Variants in JADE3 observed in about 807,000 individuals in gnomAD.
JADE3 encodes jade family PHD finger 3, also known as protein Jade-3.
In JADE3, 2 loss-of-function variants were observed where a neutral mutation model predicts 50.1. The observed-to-expected ratio is 0.04, with a 90% CI of 0.02 to 0.13. The LOEUF (loss-of-function observed/expected upper bound fraction) is 0.13, where lower values mean the gene tolerates loss of function less well. Ranked by LOEUF, JADE3 falls within the 10% of genes least tolerant of loss-of-function variation. JADE3 has a pLI of 1.00. For synonymous variants in JADE3, 218 were observed against 232.9 expected, an observed-to-expected ratio of 0.94 and a Z score of 0.58; for missense variants, 475 against 634.4, an observed-to-expected ratio of 0.75 and a Z score of 2.70.
intron 1 of JADE3, among the ~76,000 whole-genome samples, chrX:46,942,357 A>G (rs1325374360): frequency 1.8e-5 from 2 of 111,939 alleles, no homozygotes; most frequent in African/African-American, 6.5e-5. Flanking sequence ...TTACATTTAA[A>G]TCTTTAATCC....
chrX:46,950,084 T>G (rs2147115566), intron 1 of JADE3, among the ~76,000 whole-genome samples: 1 of 112,265 alleles, frequency 8.9e-6, no homozygotes, highest in South Asian at 3.7e-4. Flanking sequence ...ATAGCCTATC[T>G]CAAAAGTTTA....
At chrX:47,038,676 GA>G (rs59656292) in intron 7 of JADE3, among the ~76,000 whole-genome samples, 4,421 of 97,466 alleles carry the variant, frequency 0.045, 353 homozygotes, top group African/African-American at 0.16. Flanking sequence ...AAAAAAAGAA[GA>G]AAGAAAGAAA....
chrX:46,917,879 C>CA (rs1569533789), intron 1 of JADE3, among the ~76,000 whole-genome samples: 1 of 103,272 alleles, frequency 9.7e-6, no homozygotes, highest in Non-Finnish European at 2.0e-5. Flanking sequence ...CTCTCTCTCT[C>CA]TCTCTCATCC....
Position 47,054,403 on chromosome X carries a change from G to A in JADE3, c.1218G>A (p.Glu406=). The change falls in exon 9 of 11, where the codon GAG becomes GAA. Residue 406 remains glutamate (E), a synonymous_variant. Coordinates refer to ENST00000614628, the MANE Select transcript of JADE3 (RefSeq NM_014735.5). Reference sequence around the variant, plus strand: ...AGAAGCTTCGGGAGCTGGAGGAGGAGTTCTATTCCTTGGTACGAGTGGAAG... The same window carrying A: ...AGAAGCTTCGGGAGCTGGAGGAGGAATTCTATTCCTTGGTACGAGTGGAAG... ...RAQKLRELEE[E]FYSLVRVEDV... is the part of the protein sequence containing the mutation. 8.3e-7 allele frequency: 1 copy of A among 1,211,489 alleles called. No individual in the cohort carries two copies.
At chrX:46,959,370 G>T (rs1191681122) in intron 1 of JADE3, among the ~76,000 whole-genome samples, 1 of 112,407 alleles carries the variant, frequency 8.9e-6, no homozygotes, top group African/African-American at 3.2e-5. Flanking sequence ...GGTGTGTAGT[G>T]TTGGGGAAGG....
At chrX:46,924,523 G>C (rs782622450) in intron 1 of JADE3, among the ~76,000 whole-genome samples, 1 of 112,244 alleles carries the variant, frequency 8.9e-6, no homozygotes, top group East Asian at 2.8e-4. Context: ...TAGCATCCCA[G>C]TGCTTTATAT....
At chrX:47,001,445 A>G (rs1359809522) in intron 4 of JADE3, among the ~76,000 whole-genome samples, 3 of 111,877 alleles carry the variant, frequency 2.7e-5, no homozygotes, top group Non-Finnish European at 3.8e-5. Context: ...AAATCTCCAT[A>G]CTTTTATCAT....
intron 1 of JADE3, among the ~76,000 whole-genome samples, chrX:46,970,856 TG>T (rs1471535237): frequency 1.8e-5 from 2 of 111,694 alleles, no homozygotes; most frequent in Admixed American, 1.9e-4. Flanking sequence ...TGGGTACATG[TG>T]GGTAAAAATT....
In JADE3 at chrX:46,974,968, C is replaced by T. The variant is rs868979202; in HGVS notation, c.-11-9916C>T. ...CCTTGTAGGATGTTTAACGGCATCC[C>T]TCCTGACCTCTATCCCTAGATGCCA... On this transcript the variant is annotated intron_variant, in intron 1 of 10. Transcript: ENST00000614628. Among the ~76,000 whole-genome samples, 14 of 112,191 alleles carry T rather than the reference C, an allele frequency of 1.2e-4. No homozygotes were observed. In the South Asian group the frequency reaches 3.0e-3, roughly 24 times the overall value.
At chrX:46,950,805 T>C (rs1556344752) in intron 1 of JADE3, among the ~76,000 whole-genome samples, 1 of 112,276 alleles carries the variant, frequency 8.9e-6, no homozygotes, top group Non-Finnish European at 1.9e-5. Context: ...ATATTTTGCT[T>C]TTCTTGGAGT....
rs782220791 is a variant in JADE3, at chrX:47,003,375, A to G, written c.284+5098A>G. ...TTATTTAAGCTTAATTACCTCCTGT[A>G]GGCCTTGTCTCCAAATACAGTCACA... On this transcript the variant is annotated intron_variant, in intron 4 of 10. Transcript: ENST00000614628. Among the ~76,000 whole-genome samples the G allele has an allele frequency of 7.3e-5, 8 of 109,360 alleles. No homozygotes were observed. The South Asian group carries it at 3.1e-3, about 42-fold the overall frequency. The allele number at this position is 109,360 out of a possible 115,157, so 95.0% of individuals were successfully genotyped here. A position where few individuals can be genotyped will look rare whatever the true frequency, so the allele number is the denominator to read the frequency against.
chrX:47,004,938 G>A (rs1195667949), intron 4 of JADE3, among the ~76,000 whole-genome samples: 2 of 111,861 alleles, frequency 1.8e-5, no homozygotes, highest in Non-Finnish European at 3.8e-5. Context: ...AGATGGAGTA[G>A]GTATGCTTTT....
intron 1 of JADE3, among the ~76,000 whole-genome samples, chrX:46,932,247 A>T (rs371648501): frequency 1.8e-5 from 2 of 111,759 alleles, no homozygotes; most frequent in South Asian, 3.8e-4. Flanking sequence ...TCTCTAGGGG[A>T]TTGCATCTTT....
intron 1 of JADE3, among the ~76,000 whole-genome samples, chrX:46,919,994 G>T (rs1281174715): frequency 9.0e-6 from 1 of 110,726 alleles, no homozygotes; most frequent in Non-Finnish European, 1.9e-5. Context: ...GGTCAATCAA[G>T]AATATTGAAG....
intron 5 of JADE3, among the ~76,000 whole-genome samples, chrX:47,027,217 G>A (rs1361566592): frequency 1.8e-5 from 2 of 112,251 alleles, no homozygotes; most frequent in Admixed American, 9.5e-5. Flanking sequence ...GCTGAGAAAA[G>A]GAATCAGGAA....
chrX:46,934,765 A>G (rs2147108964), intron 1 of JADE3, among the ~76,000 whole-genome samples: 1 of 111,908 alleles, frequency 8.9e-6, no homozygotes, highest in East Asian at 2.8e-4. Flanking sequence ...AAACTTGCTT[A>G]TAAAAGTTTT....
intron 3 of JADE3, among the ~76,000 whole-genome samples, chrX:46,986,793 T>A (rs1556354687): frequency 8.9e-6 from 1 of 112,027 alleles, no homozygotes; most frequent in African/African-American, 3.2e-5. Flanking sequence ...GACTTGATAA[T>A]GGTTTAGTGG....
intron 1 of JADE3, among the ~76,000 whole-genome samples, chrX:46,941,593 A>G (rs1219057059): frequency 3.6e-5 from 4 of 111,838 alleles, no homozygotes; most frequent in African/African-American, 1.3e-4. Context: ...AATAATAGCC[A>G]TTCTGACTGG....
At chrX:46,983,270 C>G (rs1556353470) in intron 1 of JADE3, among the ~76,000 whole-genome samples, 2 of 111,643 alleles carry the variant, frequency 1.8e-5, no homozygotes, top group African/African-American at 6.5e-5. Flanking sequence ...TGGGAAAAAT[C>G]TTTGAGCCAC....
Sources: gnomAD v4.1 joint callset for allele counts (sites outside exome capture counted in the v4.1 genomes callset) on GRCh38, gnomAD v4.1.1 for gene constraint, MANE v1.5 for transcripts, NCBI Gene and HGNC (gene_info 2026-07-23, HGNC 2026-07-21) for gene names.